PRKN: variants seen among roughly 807,000 people sequenced by gnomAD.
The protein encoded by PRKN is E3 ubiquitin-protein ligase parkin.
In PRKN, 56 loss-of-function variants were observed where a neutral mutation model predicts 59.5. That is an observed-to-expected ratio of 0.94 (90% CI 0.76 to 1.18). PRKN has a LOEUF of 1.18. Among genes scored for constraint, PRKN ranks in the 50% most tolerant of loss-of-function variants. The pLI is 0.00. For synonymous variants in PRKN, 250 were observed against 222.1 expected (o/e 1.13, Z -1.12); for missense variants, 657 against 596.4 (o/e 1.10, Z -1.06).
chr6:162,143,413 T>C (rs528326381), intron 4 of PRKN, among the ~76,000 whole-genome samples: 7 of 152,156 alleles, frequency 4.6e-5, no homozygotes, highest in South Asian at 2.1e-4. Context: ...CTTGGGAAAA[T>C]AGCCATGCAC....
intron 9 of PRKN, among the ~76,000 whole-genome samples, chr6:161,500,494 T>G (rs1457099840): frequency 6.6e-6 from 1 of 152,174 alleles, no homozygotes; most frequent in Non-Finnish European, 1.5e-5. Context: ...CAATCATGGA[T>G]CTTTTTACTG....
At chr6:162,490,472 A>C (rs1186786890) in intron 1 of PRKN, among the ~76,000 whole-genome samples, 1 of 152,218 alleles carries the variant, frequency 6.6e-6, no homozygotes, top group East Asian at 1.9e-4. Context: ...ACACTCACTA[A>C]TAGATCAGAA....
chr6:161,537,893 A>G (rs1779486166), intron 9 of PRKN, among the ~76,000 whole-genome samples: 1 of 152,210 alleles, frequency 6.6e-6, no homozygotes, highest in African/African-American at 2.4e-5. Flanking sequence ...ACTTCCTCCA[A>G]ATTACAGCCC....
At chr6:161,707,574 C>A (rs2128181224) in intron 7 of PRKN, among the ~76,000 whole-genome samples, 1 of 152,288 alleles carries the variant, frequency 6.6e-6, no homozygotes, top group East Asian at 1.9e-4. Context: ...TTTTAAATGT[C>A]ACACTTTGAA....
At chr6:162,256,633 G>C (rs1779650252) in intron 3 of PRKN, among the ~76,000 whole-genome samples, 1 of 151,912 alleles carries the variant, frequency 6.6e-6, no homozygotes, top group Admixed American at 6.6e-5. Context: ...TGGCATATGG[G>C]CAGTGTCCTC....
At chr6:161,516,314 A>C (rs778461036) in intron 9 of PRKN, among the ~76,000 whole-genome samples, 76 of 151,594 alleles carry the variant, frequency 5.0e-4, no homozygotes, top group Non-Finnish European at 9.6e-4. Flanking sequence ...ACAATCCGCA[A>C]AAATTAGCTG....
chr6:162,422,977 A>AAAG (rs397969833), intron 2 of PRKN, among the ~76,000 whole-genome samples: 17 of 145,562 alleles, frequency 1.2e-4, no homozygotes, highest in African/African-American at 4.4e-4. Flanking sequence ...AAAAAAAAAA[A>AAAG]GCATCATAAG....
chr6:162,615,915 T>C (rs1782389192), intron 1 of PRKN, among the ~76,000 whole-genome samples: 2 of 152,326 alleles, frequency 1.3e-5, no homozygotes, highest in Non-Finnish European at 2.9e-5. Context: ...GCAGAGTATA[T>C]AAATTAATAT....
At chr6:162,539,907 A>T (rs905506792) in intron 1 of PRKN, among the ~76,000 whole-genome samples, 1 of 152,122 alleles carries the variant, frequency 6.6e-6, no homozygotes, top group African/African-American at 2.4e-5. Flanking sequence ...TCAAAAAAAA[A>T]TTGTTGCGAA....
intron 2 of PRKN, among the ~76,000 whole-genome samples, chr6:162,397,868 C>G (rs2128147995): frequency 6.6e-6 from 1 of 152,028 alleles, no homozygotes; most frequent in East Asian, 1.9e-4. Flanking sequence ...GAAACCCCAT[C>G]TCTAGTAAAA....
At chr6:161,571,030 G>A (rs552888918) in intron 7 of PRKN, among the ~76,000 whole-genome samples, 4 of 152,240 alleles carry the variant, frequency 2.6e-5, no homozygotes, top group African/African-American at 9.6e-5. Context: ...CCTCCTGGCT[G>A]AAGGTACCCT....
intron 7 of PRKN, among the ~76,000 whole-genome samples, chr6:161,671,544 C>T (rs1562597420): frequency 1.3e-5 from 2 of 152,174 alleles, no homozygotes; most frequent in Non-Finnish European, 2.9e-5. Context: ...CAATATTCCA[C>T]AGTATGACTG....
At chr6:162,683,339 A>G (rs2128233322) in intron 1 of PRKN, among the ~76,000 whole-genome samples, 1 of 152,258 alleles carries the variant, frequency 6.6e-6, no homozygotes, top group Middle Eastern at 3.4e-3. Context: ...CAGAGAGAAC[A>G]TTTTCATCGT....
chr6:162,359,059 CAAA>C (rs71692740), intron 2 of PRKN, among the ~76,000 whole-genome samples: 25 of 92,594 alleles, frequency 2.7e-4, no homozygotes, highest in African/African-American at 1.0e-3. Context: ...CACACTGTGG[CAAA>C]AAAAAAAAAA....
chr6:161,563,314 G>T (rs1192999171), intron 8 of PRKN, among the ~76,000 whole-genome samples: 1 of 152,144 alleles, frequency 6.6e-6, no homozygotes, highest in East Asian at 1.9e-4. Context: ...CATTTTTGTT[G>T]AATGGATAAA....
intron 4 of PRKN, among the ~76,000 whole-genome samples, chr6:162,192,235 T>A (rs74982664): frequency 0.027 from 4,054 of 152,236 alleles, 179 homozygotes; most frequent in African/African-American, 0.091. Flanking sequence ...AATGACTGCA[T>A]GTCACTACTA....
chr6:162,677,929 T>C (rs772224149), intron 1 of PRKN, among the ~76,000 whole-genome samples: 9 of 152,172 alleles, frequency 5.9e-5, no homozygotes, highest in African/African-American at 1.9e-4. Flanking sequence ...TCACCCCCAG[T>C]AGATTCTTCC....
intron 6 of PRKN, among the ~76,000 whole-genome samples, chr6:161,835,964 T>C (rs1792735368): frequency 6.6e-6 from 1 of 152,238 alleles, no homozygotes; most frequent in South Asian, 2.1e-4. Flanking sequence ...TATTTTTTGG[T>C]ACATATTTGG....
chr6:162,628,481 T>C (rs932242229), intron 1 of PRKN, among the ~76,000 whole-genome samples: 1 of 152,172 alleles, frequency 6.6e-6, no homozygotes, highest in East Asian at 1.9e-4. Context: ...TCAGTATCCC[T>C]AATCCATAGT....
Sources: allele counts gnomAD v4.1 joint callset (sites outside exome capture counted in the v4.1 genomes callset), GRCh38; gene constraint gnomAD v4.1.1; transcripts MANE v1.5; gene names NCBI Gene and HGNC (gene_info 2026-07-23, HGNC 2026-07-21).